Variants in C9orf78 observed in about 807,000 individuals in gnomAD.
C9orf78 encodes the protein splicing factor C9orf78.
In C9orf78, 19 loss-of-function variants were observed where a neutral mutation model predicts 37.4. The ratio of observed to expected loss-of-function variants is 0.51; its 90% CI spans 0.35 to 0.74. The LOEUF (loss-of-function observed/expected upper bound fraction) is 0.74. C9orf78 is among the 30% of genes least tolerant of loss of function. C9orf78 has a pLI of 0.01. For missense variants in C9orf78, 291 were observed against 370.8 expected (o/e 0.78, Z 1.77); for synonymous variants, 130 against 128.0 (o/e 1.02, Z -0.10).
chr9:129,829,429 C>T lies in C9orf78; in HGVS notation c.655G>A (p.Val219Met). 1 of 1,614,148 alleles carries T rather than the reference C, an allele frequency of 6.2e-7. No individual in the cohort carries two copies. The highest frequency in any genetic ancestry group is 8.5e-7 in the Non-Finnish European group (1 of 1,180,012). Residue 219 changes from valine to methionine, a missense_variant, in exon 7 of 9, where the codon GTG becomes ATG. By Grantham distance (21) the Val-to-Met change is conservative (BLOSUM62 1). This residue lies in a region of C9orf78 where 120 missense variants were observed against 148.7 expected (regional missense o/e 0.81). Coordinates refer to ENST00000372447, the MANE Select transcript of C9orf78 (RefSeq NM_016520.3). ...CATCTGTTGTGCTGCACATAATTCA[C>T]AGCCATGTTGGTAGGCACGAAGGAG... ...ETSFVPTNMA[V>M]NYVQHNRFYH...
chr9:129,833,945 G>A, intron 2 of C9orf78: 1 of 513,608 alleles, frequency 1.9e-6, no homozygotes. Flanking sequence ...CCACTTTCCT[G>A]TAAAGCCATT....
chr9:129,829,866 T>G, intron 6 of C9orf78: 7 of 210,384 alleles, frequency 3.3e-5, no homozygotes, highest in Non-Finnish European at 5.7e-5. Context: ...CTAACAATTG[T>G]ACCTCTTCCA....
At chr9:129,834,021 ATAAATT>A (rs1341720326) in intron 2 of C9orf78, 1 of 352,462 alleles carries the variant, frequency 2.8e-6, no homozygotes, top group East Asian at 5.6e-5. Flanking sequence ...GCAGCTAAAG[ATAAATT>A]TAAGAGAATA....
chr9:129,834,925 G>T, intron 1 of C9orf78, 159 bp from the exon 2 acceptor site: 1 of 682,954 alleles, frequency 1.5e-6, no homozygotes, highest in South Asian at 1.7e-5. Context: ...AGACCCACCG[G>T]GAGTCAGAGC....
intron 2 of C9orf78, chr9:129,834,412 TA>T (rs1416417608): frequency 5.2e-6 from 2 of 388,276 alleles, no homozygotes; most frequent in Non-Finnish European, 9.2e-6. Context: ...TATACTTTTC[TA>T]AATTATACAA....
chr9:129,832,629 G>C (rs1414374564), intron 4 of C9orf78, among the ~76,000 whole-genome samples: 1 of 152,138 alleles, frequency 6.6e-6, no homozygotes, highest in Non-Finnish European at 1.5e-5. Flanking sequence ...AATAGCGACA[G>C]TGTTTCACCA....
At chr9:129,833,870 C>A in intron 2 of C9orf78, 161 bp from the exon 3 acceptor site, 1 of 618,178 alleles carries the variant, frequency 1.6e-6, no homozygotes, top group South Asian at 1.9e-5. Flanking sequence ...AAGCATAAGA[C>A]AGGGCTCAAC....
intron 6 of C9orf78, 37 bp from the exon 7 acceptor site, chr9:129,829,578 A>G: frequency 6.3e-7 from 1 of 1,596,674 alleles, no homozygotes; most frequent in Non-Finnish European, 8.6e-7. Flanking sequence ...TTAGAAGATG[A>G]TAGCACCTTA....
rs149710224 is a variant in C9orf78 at position 129,834,949 on chromosome 9, G to T, written c.84-183C>A. 5.0e-3 allele frequency: 3,333 copies of T among 664,030 alleles called. 80 individuals carry two copies. The highest frequency in any genetic ancestry group is 0.042 in the South Asian group (2,350 of 55,650). The allele number at this position is 664,030 out of a possible 1,614,324, so 41.1% of individuals were successfully genotyped here. On this transcript the variant is annotated intron_variant, in intron 1 of 8. Coordinates refer to ENST00000372447, the MANE Select transcript of C9orf78 (RefSeq NM_016520.3). ...GGGAGTCAGAGCCACTGCGCATCCC[G>T]GAGGCATCTCTCTCAACCGTTCGAG...
intron 6 of C9orf78, 151 bp from the exon 7 acceptor site, chr9:129,829,692 T>TTCTCACGGGAC: frequency 1.5e-6 from 1 of 650,970 alleles, no homozygotes; most frequent in Non-Finnish European, 2.7e-6. Context: ...TGTAGTCACA[T>TTCTCACGGGAC]TCTCACGGGA....
chr9:129,829,836 T>C (rs35632463), intron 6 of C9orf78: 51,019 of 285,234 alleles, frequency 0.18, 5,231 homozygotes, highest in East Asian at 0.22. Flanking sequence ...CCCAGCTTTC[T>C]ACTGTACCAG....
intron 2 of C9orf78, chr9:129,834,015 C>A: frequency 2.8e-6 from 1 of 360,726 alleles, no homozygotes; most frequent in Non-Finnish European, 5.1e-6. Flanking sequence ...GAAAGTGCAG[C>A]TAAAGATAAA....
intron 8 of C9orf78, 119 bp from the exon 9 acceptor site, chr9:129,828,371 C>A (rs1192596995): frequency 5.8e-6 from 4 of 686,382 alleles, no homozygotes; most frequent in East Asian, 5.5e-5. Context: ...CAGCGCCTAA[C>A]CCAGTGAACA....
rs368566789 is a variant in C9orf78, at chr9:129,834,690, C to T, written c.143+17G>A. 1.3e-6 allele frequency: 2 copies of T among 1,597,766 alleles called. No homozygotes were observed. Among genetic ancestry groups the T allele is most frequent in the African/African-American group, 1.3e-5 (1 of 74,686 alleles). On this transcript the variant is annotated intron_variant, in intron 2 of 8. Transcript: ENST00000372447. The stretch of plus-strand genomic sequence containing the variant: ...GTCGTCCCCGCCGCCTCCTCCTCCT[C>T]CCCGCGTGGTACCCACCTCACCCCG...
chr9:129,835,044 A>T, intron 1 of C9orf78, 95 bp downstream of exon 1: 1 of 1,018,206 alleles, frequency 9.8e-7, no homozygotes, highest in East Asian at 2.4e-5. Flanking sequence ...ACCCGAGCTC[A>T]CAGTTAACAA....
chr9:129,833,795 A>T, intron 2 of C9orf78, 86 bp from the exon 3 acceptor site: 30 of 790,410 alleles, frequency 3.8e-5, no homozygotes, highest in Non-Finnish European at 5.2e-5. Flanking sequence ...AGGTATGCGG[A>T]TTGCAACATT....
intron 4 of C9orf78, among the ~76,000 whole-genome samples, chr9:129,832,989 A>G (rs1253472963): frequency 7.1e-6 from 1 of 141,284 alleles, no homozygotes; most frequent in East Asian, 2.1e-4. Flanking sequence ...GTGTGTGTAT[A>G]TATATATATG....
intron 4 of C9orf78, 134 bp downstream of exon 4, chr9:129,833,313 A>G: frequency 1.5e-6 from 1 of 652,200 alleles, no homozygotes; most frequent in Non-Finnish European, 2.8e-6. Flanking sequence ...TAAATAACAC[A>G]CCCTTTGCAA....
At chr9:129,829,048 AGG>A in intron 8 of C9orf78, 155 bp downstream of exon 8, 1 of 702,070 alleles carries the variant, frequency 1.4e-6, no homozygotes, top group East Asian at 2.7e-5. Flanking sequence ...AGGCTTAGAA[AGG>A]GGAAGGCACA....
Sources: allele counts gnomAD v4.1 joint callset (sites outside exome capture counted in the v4.1 genomes callset), GRCh38; gene constraint gnomAD v4.1.1; regional missense constraint gnomAD v4.1.1; transcripts MANE v1.5; gene names NCBI Gene and HGNC (gene_info 2026-07-23, HGNC 2026-07-21).